CSMD1: variants seen among roughly 807,000 people sequenced by gnomAD.
The protein encoded by CSMD1 is CUB and Sushi multiple domains 1.
CSMD1 carries 213 observed loss-of-function variants against 417.5 expected under a neutral mutation model. The observed-to-expected ratio is 0.51, with a 90% CI of 0.46 to 0.57. CSMD1 has a LOEUF of 0.57. Ranked by LOEUF, CSMD1 falls within the 20% of genes least tolerant of loss-of-function variation. The probability of loss-of-function intolerance (pLI) is 0.00; values close to 1 mark genes in which losing one functional copy is unlikely to be tolerated. For synonymous variants in CSMD1, 2,862 were observed against 1,736.8 expected, an observed-to-expected ratio of 1.65 and a Z score of -16.11; for missense variants, 6,923 against 4,529.7, an observed-to-expected ratio of 1.53 and a Z score of -15.17.
At chr8:3,374,767 A>T (rs1347066412) in intron 18 of CSMD1, among the ~76,000 whole-genome samples, 1 of 151,988 alleles carries the variant, frequency 6.6e-6, no homozygotes, top group Non-Finnish European at 1.5e-5. Context: ...CTTCCTACTG[A>T]TGTTCATGGC....
At chr8:3,414,145 G>GAAA (rs200744652) in intron 12 of CSMD1, among the ~76,000 whole-genome samples, 2 of 46,744 alleles carry the variant, frequency 4.3e-5, no homozygotes, top group African/African-American at 1.9e-4. Flanking sequence ...TTAAAGAAAA[G>GAAA]AAAAAAAAAA....
In CSMD1 at chr8:4,975,134, G is replaced by A. The variant is rs1425417947; in HGVS notation, c.85+19198C>T. Among the ~76,000 whole-genome samples the A allele has an allele frequency of 2.6e-5, 4 of 152,214 alleles. No homozygotes were observed. The East Asian group carries it at 7.7e-4, about 29-fold the overall frequency. On this transcript the variant is annotated intron_variant, in intron 1 of 69. Transcript: ENST00000635120. ...TCCCCATAAAAAAGATAATCAATGT[G>A]ACCTAGTGGTTCCAGCAAATTAAGA... is the stretch of plus-strand genomic sequence containing the variant.
intron 12 of CSMD1, among the ~76,000 whole-genome samples, chr8:3,415,561 G>T (rs1004023381): frequency 6.6e-6 from 1 of 152,188 alleles, no homozygotes; most frequent in African/African-American, 2.4e-5. Flanking sequence ...GTTTCACCAT[G>T]TTGGCCACGC....
At chr8:3,581,104 T>G (rs749072253) in intron 9 of CSMD1, among the ~76,000 whole-genome samples, 46 of 152,144 alleles carry the variant, frequency 3.0e-4, no homozygotes, top group Non-Finnish European at 5.6e-4. Flanking sequence ...CAGATCAAAG[T>G]GCATTAGCAT....
intron 24 of CSMD1, 46 bp downstream of exon 24, chr8:3,308,266 C>A (rs17079859): frequency 4.0e-6 from 6 of 1,494,720 alleles, no homozygotes; most frequent in African/African-American, 1.4e-5. Flanking sequence ...TGCAAGCACC[C>A]TAAGGCCTGG....
At chr8:4,162,607 C>A (rs529904053) in intron 3 of CSMD1, among the ~76,000 whole-genome samples, 1 of 151,890 alleles carries the variant, frequency 6.6e-6, no homozygotes, top group Non-Finnish European at 1.5e-5. Flanking sequence ...AGCAGTTTTT[C>A]TAGGTTCACA....
chr8:3,328,992 G>C (rs1164517105), intron 23 of CSMD1, among the ~76,000 whole-genome samples: 1 of 152,106 alleles, frequency 6.6e-6, no homozygotes, highest in Non-Finnish European at 1.5e-5. Context: ...AAAGGGAAGT[G>C]AAGAAAGCAT....
chr8:4,006,642 G>T (rs946650658), intron 4 of CSMD1, among the ~76,000 whole-genome samples: 3 of 152,212 alleles, frequency 2.0e-5, no homozygotes, highest in Admixed American at 6.5e-5. Context: ...AGCAAGAGAG[G>T]GAACAGCACT....
intron 3 of CSMD1, among the ~76,000 whole-genome samples, chr8:4,042,534 CA>C (rs1378548377): frequency 6.6e-6 from 1 of 151,892 alleles, no homozygotes; most frequent in Non-Finnish European, 1.5e-5. Flanking sequence ...GCCCATACCA[CA>C]AGGAATATTA....
intron 12 of CSMD1, among the ~76,000 whole-genome samples, chr8:3,422,132 A>T (rs969456796): frequency 3.9e-5 from 6 of 152,102 alleles, no homozygotes; most frequent in Non-Finnish European, 7.4e-5. Flanking sequence ...CTCCAAGGTC[A>T]CTCTACTCTG....
chr8:4,580,731 C>A (rs544845017), intron 2 of CSMD1, among the ~76,000 whole-genome samples: 1 of 152,202 alleles, frequency 6.6e-6, no homozygotes, highest in Non-Finnish European at 1.5e-5. Context: ...GATTAAATCA[C>A]CCCAAATCAA....
intron 3 of CSMD1, among the ~76,000 whole-genome samples, chr8:4,307,816 T>G (rs376787449): frequency 6.6e-6 from 1 of 152,092 alleles, no homozygotes; most frequent in East Asian, 1.9e-4. Context: ...GTCTGAAAAA[T>G]TATAATATGA....
intron 3 of CSMD1, among the ~76,000 whole-genome samples, chr8:4,178,110 T>G (rs568744323): frequency 2.7e-3 from 411 of 152,260 alleles, no homozygotes; most frequent in African/African-American, 9.6e-3. Flanking sequence ...TACCAAAGCC[T>G]GGCAGAGACA....
chr8:3,980,001 G>C (rs532277855), intron 5 of CSMD1, among the ~76,000 whole-genome samples: 2 of 152,312 alleles, frequency 1.3e-5, no homozygotes, highest in East Asian at 3.9e-4. Flanking sequence ...ACAACTCACA[G>C]ATACTTCAAA....
intron 2 of CSMD1, among the ~76,000 whole-genome samples, chr8:4,543,517 C>T (rs1477635623): frequency 6.6e-6 from 1 of 152,032 alleles, no homozygotes; most frequent in Non-Finnish European, 1.5e-5. Context: ...GTATGGACCA[C>T]AGTTTATACA....
intron 10 of CSMD1, among the ~76,000 whole-genome samples, chr8:3,570,035 G>C: frequency 6.6e-6 from 1 of 152,264 alleles, no homozygotes; most frequent in South Asian, 2.1e-4. Flanking sequence ...AGATGAGAGA[G>C]AAAAAATAAA....
At chr8:4,414,093 G>A (rs978162311) in intron 3 of CSMD1, among the ~76,000 whole-genome samples, 5 of 152,158 alleles carry the variant, frequency 3.3e-5, no homozygotes, top group Non-Finnish European at 5.9e-5. Flanking sequence ...CTTTAATTCA[G>A]GTGGAGTTTG....
At chr8:3,223,657 C>G (rs565627836) in intron 28 of CSMD1, 72 bp downstream of exon 28, 2 of 1,503,296 alleles carry the variant, frequency 1.3e-6, no homozygotes, top group South Asian at 1.2e-5. Context: ...ACTATGAGGT[C>G]ATAAAAGAAG....
intron 3 of CSMD1, among the ~76,000 whole-genome samples, chr8:4,280,988 G>A (rs955044792): frequency 5.3e-5 from 8 of 152,140 alleles, no homozygotes; most frequent in Non-Finnish European, 1.2e-4. Context: ...GAATAAAGTA[G>A]TGGTTTTTAA....
Sources: allele counts gnomAD v4.1 joint callset (sites outside exome capture counted in the v4.1 genomes callset), GRCh38; gene constraint gnomAD v4.1.1; transcripts MANE v1.5; gene names NCBI Gene and HGNC (gene_info 2026-07-23, HGNC 2026-07-21).